The following ZNF532 variants were observed in gnomAD, a reference collection of about 807,000 sequenced individuals.
ZNF532 encodes the protein zinc finger protein 532.
A neutral mutation model predicts 89.3 loss-of-function variants in ZNF532; 22 were observed. The ratio of observed to expected loss-of-function variants is 0.25; its 90% CI spans 0.18 to 0.35. ZNF532 has a LOEUF of 0.35. Ranked by LOEUF, ZNF532 falls within the 10% of genes least tolerant of loss-of-function variation. ZNF532 has a pLI of 1.00. For missense variants in ZNF532, 1,132 were observed against 1,643.4 expected, an observed-to-expected ratio of 0.69 and a Z score of 5.38; for synonymous variants, 606 against 649.6, an observed-to-expected ratio of 0.93 and a Z score of 1.02.
intron 2 of ZNF532, among the ~76,000 whole-genome samples, chr18:58,885,345 CAG>C (rs2058226423): frequency 6.6e-6 from 1 of 152,048 alleles, no homozygotes; most frequent in African/African-American, 2.4e-5. Flanking sequence ...CAGTGGAAAA[CAG>C]AGCTTGTACA....
Position 58,979,054 on chromosome 18 carries a change from G to A in ZNF532, c.3151-1G>A. The A allele has an allele frequency of 6.2e-7, 1 of 1,606,526 alleles. No homozygotes were observed. Among genetic ancestry groups the A allele is most frequent in the Non-Finnish European group, 8.5e-7 (1 of 1,174,182 alleles). ...AAGTGAACTTTCTCTCCTTCCTCCA[G>A]CAAATGAAGAAACACCCCTGCCGCC... On this transcript the variant is annotated splice_acceptor_variant, in intron 7 of 9. Transcript: ENST00000591808. LOFTEE classifies it high-confidence loss of function.
intron 2 of ZNF532, among the ~76,000 whole-genome samples, chr18:58,874,189 C>T (rs1226078116): frequency 6.6e-6 from 1 of 152,070 alleles, no homozygotes; most frequent in African/African-American, 2.4e-5. Context: ...CTGTGTGTCT[C>T]CTCCTTGTCG....
chr18:58,978,730 T>G (rs1235174747), intron 7 of ZNF532, among the ~76,000 whole-genome samples: 1 of 152,194 alleles, frequency 6.6e-6, no homozygotes, highest in East Asian at 1.9e-4. Context: ...TTTAGATGTT[T>G]TTGGATCTTG....
rs562567783 is a variant in ZNF532, at chr18:58,903,475, C to A, written c.-17-14796C>A. Among the ~76,000 whole-genome samples, 28 of 150,782 alleles carry A rather than the reference C, an allele frequency of 1.9e-4. 1 individual carries two copies. The East Asian group carries it at 2.4e-3, about 13-fold the overall frequency. On this transcript the variant is annotated intron_variant, in intron 2 of 9. Transcript: ENST00000591808. ...GAAAAATTTATCTGGAAATTCTGAA[C>A]AAGAGGCTGGAGACAGGGAGAACAG...
intron 2 of ZNF532, among the ~76,000 whole-genome samples, chr18:58,904,303 G>C (rs2059783629): frequency 6.6e-6 from 1 of 150,876 alleles, no homozygotes; most frequent in Admixed American, 6.6e-5. Flanking sequence ...AGTGAGCCGA[G>C]ATCACGCCAC....
At position 58,915,472 on chromosome 18, in the gene ZNF532, A is replaced by G. The variant is rs555798475; in HGVS notation, c.-17-2799A>G. ...GGTGAGGCTGGATCACTGTGGAGAAAGAGTTGCTTCTCAACCCCTTGAGGG... is the reference window on the plus strand; with the variant it reads ...GGTGAGGCTGGATCACTGTGGAGAAGGAGTTGCTTCTCAACCCCTTGAGGG... On this transcript the variant is annotated intron_variant, in intron 2 of 9. Transcript: ENST00000591808. 2.2e-4 allele frequency among the ~76,000 whole-genome samples: 34 copies of G among 152,294 alleles called. 1 individual carries two copies. The highest frequency in any genetic ancestry group is 6.0e-4 in the African/African-American group (25 of 41,566).
At chr18:58,943,459 C>CT (rs71336308) in intron 5 of ZNF532, among the ~76,000 whole-genome samples, 14,354 of 131,142 alleles carry the variant, frequency 0.11, 863 homozygotes, top group Middle Eastern at 0.23. Flanking sequence ...CGCGCCCAGC[C>CT]TTTTTTTTTT....
chr18:58,978,162 C>T (rs1265444216), intron 7 of ZNF532, among the ~76,000 whole-genome samples: 1 of 152,162 alleles, frequency 6.6e-6, no homozygotes, highest in Non-Finnish European at 1.5e-5. Flanking sequence ...ATTCGGCTTA[C>T]CTACTTGACA....
chr18:58,935,717 C>T (rs2062416395), intron 4 of ZNF532, among the ~76,000 whole-genome samples: 1 of 151,640 alleles, frequency 6.6e-6, no homozygotes, highest in African/African-American at 2.4e-5. Context: ...TAAGAAGATT[C>T]CACCAAGGAA....
intron 9 of ZNF532, among the ~76,000 whole-genome samples, chr18:58,983,763 A>G (rs896345888): frequency 3.3e-5 from 5 of 152,036 alleles, no homozygotes; most frequent in African/African-American, 4.8e-5. Context: ...TGGCAGAGCA[A>G]TGCCTGCTAA....
chr18:58,887,417 A>G (rs1017728118), intron 2 of ZNF532, among the ~76,000 whole-genome samples: 9 of 152,238 alleles, frequency 5.9e-5, no homozygotes, highest in Admixed American at 5.9e-4. Flanking sequence ...CTTCACGCTC[A>G]CAGCAAGTCA....
At chr18:58,956,989 G>T (rs902438081) in intron 7 of ZNF532, among the ~76,000 whole-genome samples, 4 of 152,118 alleles carry the variant, frequency 2.6e-5, no homozygotes, top group African/African-American at 9.7e-5. Context: ...TAGTTGAAAA[G>T]TATTTCTTGA....
intron 2 of ZNF532, among the ~76,000 whole-genome samples, chr18:58,903,422 G>A (rs925146398): frequency 6.6e-6 from 1 of 152,034 alleles, no homozygotes; most frequent in African/African-American, 2.4e-5. Flanking sequence ...AATAGGAGGA[G>A]TGATAGCTAT....
At chr18:58,981,199 G>A in intron 8 of ZNF532, 1 of 428,562 alleles carries the variant, frequency 2.3e-6, no homozygotes. Flanking sequence ...AATGTGTTCA[G>A]CATGGTGCTC....
At position 58,919,503 on chromosome 18, in the gene ZNF532, C is replaced by T. The variant is rs2060868441; in HGVS notation, c.1216C>T (p.Leu406Phe). The T allele has an allele frequency of 1.2e-6, 2 of 1,614,048 alleles. No individual in the cohort carries two copies. The highest frequency in any genetic ancestry group is 1.3e-5 in the African/African-American group (1 of 74,902). The change falls in exon 3 of 10, where the codon CTT becomes TTT. Residue 406 changes from leucine to phenylalanine, a missense_variant. Coordinates refer to ENST00000591808, the MANE Select transcript of ZNF532 (RefSeq NM_001375912.1). The surrounding 1 kb of genome is among the most constrained non-coding windows in gnomAD (Gnocchi z 6.1). ...TASVMASVTS[L>F]LSSPASAAVL... is the part of the protein sequence containing the mutation. Reference sequence around the variant, plus strand: ...GTCCGTGATGGCCTCTGTGACATCCCTTCTGTCGTCTCCAGCATCAGCCGC... The same window carrying T: ...GTCCGTGATGGCCTCTGTGACATCCTTTCTGTCGTCTCCAGCATCAGCCGC...
At position 58,918,993 on chromosome 18, in the gene ZNF532, G is replaced by A; in HGVS notation, c.706G>A (p.Glu236Lys). ...KLKESSDKVL[E>K]NRVLDGKLSS... ...GAAGGAAAGCTCTGACAAGGTGCTG[G>A]AAAACAGAGTCCTAGATGGGAAGCT... The change falls in exon 3 of 10, where the codon GAA becomes AAA. Residue 236 changes from glutamate to lysine, a missense_variant. Transcript: ENST00000591808. The A allele has an allele frequency of 4.3e-6, 7 of 1,613,444 alleles. No individual in the cohort carries two copies. The highest frequency in any genetic ancestry group is 5.9e-6 in the Non-Finnish European group (7 of 1,180,046).
At chr18:58,873,855 CAAT>C (rs1423339229) in intron 2 of ZNF532, among the ~76,000 whole-genome samples, 1 of 152,180 alleles carries the variant, frequency 6.6e-6, no homozygotes, top group African/African-American at 2.4e-5. Context: ...GCCCAGCTCT[CAAT>C]GATATAAACC....
At chr18:58,922,318 C>G (rs966017000) in intron 3 of ZNF532, among the ~76,000 whole-genome samples, 2 of 152,076 alleles carry the variant, frequency 1.3e-5, no homozygotes, top group African/African-American at 2.4e-5. Context: ...AGGGTAATTA[C>G]TGGTTTAAGT....
At chr18:58,867,039 C>T (rs538017634) in intron 2 of ZNF532, among the ~76,000 whole-genome samples, 53 of 152,366 alleles carry the variant, frequency 3.5e-4, no homozygotes, top group Non-Finnish European at 6.6e-4. Context: ...CCACGCTGCG[C>T]GTGGTGTGCT....
Sources: allele counts gnomAD v4.1 joint callset (sites outside exome capture counted in the v4.1 genomes callset), GRCh38; gene constraint gnomAD v4.1.1; non-coding constraint Gnocchi (gnomAD v3.1); transcripts MANE v1.5; gene names NCBI Gene and HGNC (gene_info 2026-07-23, HGNC 2026-07-21).